PDE4B: variants seen among roughly 807,000 people sequenced by gnomAD.
The protein encoded by PDE4B is 3',5'-cyclic-AMP phosphodiesterase 4B.
A neutral mutation model predicts 82.2 loss-of-function variants in PDE4B; 20 were observed. The ratio of observed to expected loss-of-function variants is 0.24; its 90% CI spans 0.17 to 0.35. The LOEUF (loss-of-function observed/expected upper bound fraction) is 0.35. PDE4B is among the 10% of genes least tolerant of loss of function. PDE4B has a pLI of 1.00. For missense variants in PDE4B, 655 were observed against 907.2 expected (o/e 0.72, Z 3.57); for synonymous variants, 320 against 318.9 (o/e 1.00, Z -0.04).
intron 1 of PDE4B, among the ~76,000 whole-genome samples, chr1:65,895,286 A>G (rs1304678592): frequency 1.3e-5 from 2 of 152,086 alleles, no homozygotes; most frequent in South Asian, 4.1e-4. Flanking sequence ...GCGGTGGCTC[A>G]CACCTGTAAT....
intron 7 of PDE4B, among the ~76,000 whole-genome samples, chr1:66,288,616 A>C (rs1463858359): frequency 1.3e-5 from 2 of 152,144 alleles, no homozygotes; most frequent in African/African-American, 4.8e-5. Flanking sequence ...TACTATAAAT[A>C]CACAGAATGG....
At chr1:66,125,902 G>A (rs1645812329) in intron 3 of PDE4B, among the ~76,000 whole-genome samples, 1 of 152,180 alleles carries the variant, frequency 6.6e-6, no homozygotes, top group Non-Finnish European at 1.5e-5. Flanking sequence ...TGCTTCCCAG[G>A]TTCAAGCGAT....
intron 3 of PDE4B, among the ~76,000 whole-genome samples, chr1:66,144,614 A>T (rs1646234992): frequency 6.6e-6 from 1 of 152,264 alleles, no homozygotes; most frequent in Admixed American, 6.5e-5. Flanking sequence ...ATTTAGACTT[A>T]GATTTTCAGA....
At chr1:66,270,503 T>C (rs1371965946) in intron 7 of PDE4B, among the ~76,000 whole-genome samples, 1 of 152,242 alleles carries the variant, frequency 6.6e-6, no homozygotes, top group Non-Finnish European at 1.5e-5. Context: ...TCCGTTCTCA[T>C]TCTTTGCCAG....
intron 3 of PDE4B, among the ~76,000 whole-genome samples, chr1:65,941,313 C>G (rs1001641730): frequency 6.6e-6 from 1 of 152,014 alleles, no homozygotes; most frequent in Non-Finnish European, 1.5e-5. Flanking sequence ...CTCTCAGAAA[C>G]TCATAATCTC....
intron 3 of PDE4B, among the ~76,000 whole-genome samples, chr1:66,059,481 A>C (rs1212569850): frequency 6.6e-6 from 1 of 152,174 alleles, no homozygotes; most frequent in Non-Finnish European, 1.5e-5. Flanking sequence ...GTCAATTTAC[A>C]AAAGGAAGAA....
At chr1:65,819,665 A>AT (rs1020863995) in intron 1 of PDE4B, among the ~76,000 whole-genome samples, 10 of 151,672 alleles carry the variant, frequency 6.6e-5, no homozygotes, top group South Asian at 2.1e-4. Context: ...GCGGCGGGCT[A>AT]TTTTTTTGTA....
At chr1:66,235,770 G>GA (rs75316120) in intron 3 of PDE4B, among the ~76,000 whole-genome samples, 4,418 of 151,860 alleles carry the variant, frequency 0.029, 96 homozygotes, top group East Asian at 0.12. Flanking sequence ...CCATTCTGTT[G>GA]AAAAAAAATG....
intron 1 of PDE4B, among the ~76,000 whole-genome samples, chr1:65,896,731 A>G (rs1000557586): frequency 4.6e-5 from 7 of 152,174 alleles, no homozygotes; most frequent in African/African-American, 1.4e-4. Context: ...GATAAATGCC[A>G]TTTAAGAAAT....
At chr1:66,274,893 C>A (rs777206511) in intron 7 of PDE4B, among the ~76,000 whole-genome samples, 4 of 152,160 alleles carry the variant, frequency 2.6e-5, no homozygotes, top group Non-Finnish European at 5.9e-5. Flanking sequence ...AGGTTCTGGT[C>A]TACTTTGCTT....
chr1:65,908,534 G>C (rs1434538192), intron 1 of PDE4B, among the ~76,000 whole-genome samples: 1 of 152,110 alleles, frequency 6.6e-6, no homozygotes, highest in Non-Finnish European at 1.5e-5. Context: ...ATACATTTAG[G>C]TGTATCTATA....
At chr1:66,084,795 C>G (rs150074479) in intron 3 of PDE4B, among the ~76,000 whole-genome samples, 1 of 152,106 alleles carries the variant, frequency 6.6e-6, no homozygotes, top group Non-Finnish European at 1.5e-5. Flanking sequence ...TAGACTGTGG[C>G]TAGCACTACA....
intron 7 of PDE4B, 43 bp from the exon 8 acceptor site, chr1:66,332,465 C>T (rs1343059207): frequency 6.2e-7 from 1 of 1,614,054 alleles, no homozygotes; most frequent in Non-Finnish European, 8.5e-7. Flanking sequence ...GGACAGCCTG[C>T]AGCCGCTCCA....
chr1:65,881,739 T>C, intron 1 of PDE4B, among the ~76,000 whole-genome samples: 1 of 152,218 alleles, frequency 6.6e-6, no homozygotes, highest in East Asian at 1.9e-4. Context: ...TAAAAAATTA[T>C]CTAAACACAC....
intron 3 of PDE4B, among the ~76,000 whole-genome samples, chr1:66,060,038 A>G (rs1467813094): frequency 6.6e-6 from 1 of 152,210 alleles, no homozygotes; most frequent in African/African-American, 2.4e-5. Context: ...TGAAAATTAA[A>G]TTATAAATGA....
chr1:66,354,941 G>A (rs954413034), intron 8 of PDE4B: 37 of 1,495,540 alleles, frequency 2.5e-5, no homozygotes, highest in Non-Finnish European at 2.8e-5. Flanking sequence ...AATGTGAAAC[G>A]TACCTCTGTG....
chr1:66,101,764 T>A (rs572768115), intron 3 of PDE4B, among the ~76,000 whole-genome samples: 1 of 152,276 alleles, frequency 6.6e-6, no homozygotes, highest in East Asian at 1.9e-4. Flanking sequence ...TGCAAAAATT[T>A]TCTCCCATTC....
At chr1:66,325,783 AC>A (rs1307111701) in intron 7 of PDE4B, among the ~76,000 whole-genome samples, 1 of 152,192 alleles carries the variant, frequency 6.6e-6, no homozygotes, top group East Asian at 1.9e-4. Flanking sequence ...CAGGAAAGTG[AC>A]CCAGGACCAG....
At chr1:66,190,213 AC>A (rs1647641865) in intron 3 of PDE4B, among the ~76,000 whole-genome samples, 1 of 152,154 alleles carries the variant, frequency 6.6e-6, no homozygotes, top group South Asian at 2.1e-4. Flanking sequence ...TCAGAGGAGT[AC>A]CTGGCCGTGT....
Sources: gnomAD v4.1 joint callset for allele counts (sites outside exome capture counted in the v4.1 genomes callset) on GRCh38, gnomAD v4.1.1 for gene constraint, MANE v1.5 for transcripts, NCBI Gene and HGNC (gene_info 2026-07-23, HGNC 2026-07-21) for gene names.